OLA1: variants seen among roughly 807,000 people sequenced by gnomAD.
The protein encoded by OLA1 is obg-like ATPase 1.
A neutral mutation model predicts 48.4 loss-of-function variants in OLA1; 14 were observed. The observed-to-expected ratio is 0.29, with a 90% CI of 0.19 to 0.45. The LOEUF (loss-of-function observed/expected upper bound fraction) is 0.45, where lower values mean the gene tolerates loss of function less well. Ranked by LOEUF, OLA1 falls within the 20% of genes least tolerant of loss-of-function variation. The pLI is 1.00. For synonymous variants in OLA1, 127 were observed against 150.4 expected, an observed-to-expected ratio of 0.84 and a Z score of 1.14; for missense variants, 325 against 467.1, an observed-to-expected ratio of 0.70 and a Z score of 2.80.
At chr2:174,148,751 T>C (rs1325687081) in intron 4 of OLA1, among the ~76,000 whole-genome samples, 2 of 152,194 alleles carry the variant, frequency 1.3e-5, no homozygotes. Flanking sequence ...AACTAACTTT[T>C]CCTTCTTCCC....
intron 7 of OLA1, among the ~76,000 whole-genome samples, chr2:174,110,631 G>A (rs1685627670): frequency 1.3e-5 from 2 of 152,018 alleles, no homozygotes; most frequent in South Asian, 4.1e-4. Flanking sequence ...AATTTCTGTA[G>A]AGGCAGGGTC....
intron 4 of OLA1, among the ~76,000 whole-genome samples, chr2:174,177,614 C>A (rs1427087135): frequency 2.0e-5 from 3 of 152,060 alleles, no homozygotes; most frequent in African/African-American, 7.2e-5. Flanking sequence ...TAGCATAAAT[C>A]CAATTTAAGA....
chr2:174,090,454 G>C (rs1031691429), intron 7 of OLA1, among the ~76,000 whole-genome samples: 3 of 152,232 alleles, frequency 2.0e-5, no homozygotes, highest in Non-Finnish European at 4.4e-5. Context: ...GTTAATCATA[G>C]TTCCCCATTC....
chr2:174,084,548 C>A (rs1684925328), intron 7 of OLA1, among the ~76,000 whole-genome samples: 1 of 152,134 alleles, frequency 6.6e-6, no homozygotes, highest in African/African-American at 2.4e-5. Context: ...TATTTGATTT[C>A]AAGATTATAG....
At chr2:174,149,802 C>T (rs1368107107) in intron 4 of OLA1, among the ~76,000 whole-genome samples, 2 of 152,146 alleles carry the variant, frequency 1.3e-5, no homozygotes, top group African/African-American at 2.4e-5. Flanking sequence ...CCTGTTCTTA[C>T]TCCATAAAGA....
intron 7 of OLA1, among the ~76,000 whole-genome samples, chr2:174,085,234 T>C (rs1354141050): frequency 2.0e-5 from 3 of 152,200 alleles, no homozygotes; most frequent in African/African-American, 4.8e-5. Context: ...TGGTCTACAA[T>C]AGGAGTCCTC....
rs971191508 is a variant in OLA1, at chr2:174,075,211, G to A, written c.*215C>T. The A allele has an allele frequency of 2.1e-5, 9 of 434,448 alleles. No homozygotes were observed. The highest frequency in any genetic ancestry group is 2.9e-5 in the Non-Finnish European group (7 of 243,770). 26.9% of individuals were successfully genotyped at this position (434,448 alleles called of 1,614,324 possible). On this transcript the variant is annotated 3_prime_UTR_variant, in exon 11 of 11. Transcript: ENST00000284719. ...CAATTTGGAGTAGGGTCTTAATCAC[G>A]TGAAAAGCAAAGCTGTTCACATTTA... is the stretch of plus-strand genomic sequence containing the variant.
At chr2:174,231,754 T>C (rs1688733398) in intron 2 of OLA1, among the ~76,000 whole-genome samples, 1 of 152,090 alleles carries the variant, frequency 6.6e-6, no homozygotes. Context: ...TCTAACAGCT[T>C]TGCAGGTATA....
intron 4 of OLA1, among the ~76,000 whole-genome samples, chr2:174,213,002 A>G (rs777695901): frequency 6.6e-6 from 1 of 152,240 alleles, no homozygotes; most frequent in South Asian, 2.1e-4. Flanking sequence ...AAAGTTCAAA[A>G]TAAATCCACA....
At chr2:174,190,143 T>G (rs964748236) in intron 4 of OLA1, among the ~76,000 whole-genome samples, 1 of 152,092 alleles carries the variant, frequency 6.6e-6, no homozygotes, top group African/African-American at 2.4e-5. Flanking sequence ...ATAAAGAAAT[T>G]ACAGAAAAAT....
chr2:174,145,863 T>C (rs188786040), intron 4 of OLA1, among the ~76,000 whole-genome samples: 15 of 152,212 alleles, frequency 9.9e-5, no homozygotes, highest in Non-Finnish European at 1.5e-4. Flanking sequence ...TAGGATATGA[T>C]ACAGTTTTTG....
At chr2:174,225,891 T>C (rs1019312471) in intron 3 of OLA1, among the ~76,000 whole-genome samples, 2 of 152,134 alleles carry the variant, frequency 1.3e-5, no homozygotes, top group African/African-American at 4.8e-5. Flanking sequence ...AGATTCTATT[T>C]TCTATTGAAA....
At chr2:174,138,482 C>T (rs1686362934) in intron 5 of OLA1, among the ~76,000 whole-genome samples, 1 of 152,118 alleles carries the variant, frequency 6.6e-6, no homozygotes, top group Non-Finnish European at 1.5e-5. Flanking sequence ...CAGTCAAAGA[C>T]CACTTTAACA....
intron 4 of OLA1, among the ~76,000 whole-genome samples, chr2:174,144,947 A>ATATATATATAT (rs1553483385): frequency 3.7e-4 from 24 of 64,764 alleles, no homozygotes; most frequent in East Asian, 1.6e-3. Flanking sequence ...AAAAAAAAAA[A>ATATATATATAT]AAAAATATAT....
intron 1 of OLA1, chr2:174,247,829 T>G: frequency 6.5e-7 from 1 of 1,532,780 alleles, no homozygotes; most frequent in Non-Finnish European, 8.8e-7. Context: ...AAACTTTCTC[T>G]GTCCCTTACT....
rs1253612808 is a variant in OLA1 at position 174,096,368 on chromosome 2, A to G, written c.729-14304T>C. ...TAGTGATAGGGACACAACAATGTGAATATACTAAAAACCACTGAATTGTGT... is the reference window on the plus strand; with the variant it reads ...TAGTGATAGGGACACAACAATGTGAGTATACTAAAAACCACTGAATTGTGT... On this transcript the variant is annotated intron_variant, in intron 7 of 10. Coordinates refer to ENST00000284719, the MANE Select transcript of OLA1 (RefSeq NM_013341.5). Among the ~76,000 whole-genome samples, 3 of 152,228 alleles carry G rather than the reference A, an allele frequency of 2.0e-5. No homozygotes were observed. In the East Asian group the frequency reaches 5.8e-4, roughly 29 times the overall value.
intron 4 of OLA1, among the ~76,000 whole-genome samples, chr2:174,157,305 G>T (rs1686911248): frequency 6.6e-6 from 1 of 152,166 alleles, no homozygotes; most frequent in Non-Finnish European, 1.5e-5. Context: ...CCTAACAGGG[G>T]AGACAGATCA....
chr2:174,088,975 G>A (rs567889885), intron 7 of OLA1, among the ~76,000 whole-genome samples: 3 of 152,278 alleles, frequency 2.0e-5, no homozygotes, highest in South Asian at 4.1e-4. Context: ...CTGACTTCAC[G>A]GAGTTGTACA....
Position 174,170,350 on chromosome 2 carries a change from A to G in OLA1, c.374-28350T>C, listed in dbSNP as rs1574525661. 5.2e-5 allele frequency among the ~76,000 whole-genome samples: 8 copies of G among 152,390 alleles called. No homozygotes were observed. The South Asian group carries it at 1.7e-3, about 32-fold the overall frequency. On this transcript the variant is annotated intron_variant, in intron 4 of 10. Transcript: ENST00000284719. Reference sequence around the variant, plus strand: ...TGTAATCACTAGAGCAATCACTTAAAAAAAGTGAAATCTAGTTGGAATCCA... The same window carrying G: ...TGTAATCACTAGAGCAATCACTTAAGAAAAGTGAAATCTAGTTGGAATCCA...
Sources: allele counts gnomAD v4.1 joint callset (sites outside exome capture counted in the v4.1 genomes callset), GRCh38; gene constraint gnomAD v4.1.1; transcripts MANE v1.5; gene names NCBI Gene and HGNC (gene_info 2026-07-23, HGNC 2026-07-21).